The following SLC7A9 variants were observed in gnomAD, a reference collection of about 807,000 sequenced individuals.
SLC7A9 encodes the protein solute carrier family 7 member 9.
A neutral mutation model predicts 54.1 loss-of-function variants in SLC7A9; 38 were observed. The ratio of observed to expected loss-of-function variants is 0.70; its 90% CI spans 0.54 to 0.92. SLC7A9 has a LOEUF of 0.92. Among genes scored for constraint, SLC7A9 ranks in the 40% least tolerant of loss-of-function variants. SLC7A9 has a pLI of 0.00. For missense variants in SLC7A9, 537 were observed against 636.1 expected, an observed-to-expected ratio of 0.84 and a Z score of 1.68; for synonymous variants, 264 against 258.9, an observed-to-expected ratio of 1.02 and a Z score of -0.19.
intron 11 of SLC7A9, among the ~76,000 whole-genome samples, chr19:32,834,793 G>GT (rs1348561230): frequency 7.9e-5 from 12 of 151,606 alleles, no homozygotes; most frequent in Admixed American, 5.9e-4. Flanking sequence ...GTGTTTTTTT[G>GT]TTTGTTTTGT....
chr19:32,838,029 A>G (rs1282727459), intron 11 of SLC7A9, among the ~76,000 whole-genome samples: 2 of 152,180 alleles, frequency 1.3e-5, no homozygotes, highest in Non-Finnish European at 2.9e-5. Context: ...AGGGTGAGAC[A>G]CTGTGACAGA....
chr19:32,831,502 G>A (rs1174260681), intron 12 of SLC7A9, among the ~76,000 whole-genome samples: 3 of 152,028 alleles, frequency 2.0e-5, no homozygotes, highest in Non-Finnish European at 4.4e-5. Flanking sequence ...TGTTAGCCAC[G>A]ATGGTCTCGA....
chr19:32,869,630 C>T (rs922768871), intron 1 of SLC7A9, 56 bp downstream of exon 1: 2 of 152,204 alleles, frequency 1.3e-5, no homozygotes, highest in Admixed American at 6.5e-5. Flanking sequence ...AATTATCTGT[C>T]CAGGCCCCGG....
At chr19:32,855,664 T>C (rs1215242252) in intron 9 of SLC7A9, among the ~76,000 whole-genome samples, 16 of 151,788 alleles carry the variant, frequency 1.1e-4, no homozygotes, top group Admixed American at 1.1e-3. Flanking sequence ...ATCATGCCAC[T>C]GCACTCCAGC....
intron 9 of SLC7A9, among the ~76,000 whole-genome samples, chr19:32,845,021 G>T (rs1239409608): frequency 1.3e-5 from 2 of 151,704 alleles, no homozygotes; most frequent in Admixed American, 6.6e-5. Flanking sequence ...AAAATCAGCT[G>T]GGCATGGTGG....
intron 2 of SLC7A9, among the ~76,000 whole-genome samples, chr19:32,866,569 C>T (rs1178936740): frequency 7.9e-5 from 12 of 152,184 alleles, no homozygotes; most frequent in African/African-American, 2.9e-4. Flanking sequence ...AGGTTACAGG[C>T]GTGTGCCGCC....
chr19:32,839,368 C>T (rs1308133111), intron 11 of SLC7A9, among the ~76,000 whole-genome samples: 1 of 152,028 alleles, frequency 6.6e-6, no homozygotes, highest in Non-Finnish European at 1.5e-5. Flanking sequence ...GCCTGACCAA[C>T]ATGGTGAAAC....
At chr19:32,842,024 G>A in intron 11 of SLC7A9, 144 bp downstream of exon 11, 9 of 804,538 alleles carry the variant, frequency 1.1e-5, no homozygotes, top group Non-Finnish European at 1.9e-5. Context: ...ATGCTGTGAA[G>A]AGTAAACTCC....
At chr19:32,863,753 T>C (rs946082532) in intron 4 of SLC7A9, among the ~76,000 whole-genome samples, 1 of 152,260 alleles carries the variant, frequency 6.6e-6, no homozygotes, top group East Asian at 1.9e-4. Context: ...TAAAAGAACC[T>C]GGAGATGACC....
At chr19:32,842,901 T>C in intron 10 of SLC7A9, among the ~76,000 whole-genome samples, 1 of 152,162 alleles carries the variant, frequency 6.6e-6, no homozygotes, top group South Asian at 2.1e-4. Context: ...ATTAAGAATT[T>C]TCCACACAGA....
intron 10 of SLC7A9, among the ~76,000 whole-genome samples, chr19:32,842,819 G>A (rs573365095): frequency 2.6e-5 from 4 of 151,632 alleles, no homozygotes; most frequent in Admixed American, 6.6e-5. Context: ...GCCATCTCAC[G>A]GTTTTAATGG....
chr19:32,840,139 G>A (rs1968088847), intron 11 of SLC7A9, among the ~76,000 whole-genome samples: 1 of 151,714 alleles, frequency 6.6e-6, no homozygotes, highest in South Asian at 2.1e-4. Context: ...TTGGCCTTCT[G>A]TTTCCTAGCA....
chr19:32,866,569 C>A (rs1178936740), intron 2 of SLC7A9, among the ~76,000 whole-genome samples: 1 of 152,184 alleles, frequency 6.6e-6, no homozygotes, highest in Non-Finnish European at 1.5e-5. Context: ...AGGTTACAGG[C>A]GTGTGCCGCC....
At chr19:32,864,928 G>T (rs1418019477) in intron 2 of SLC7A9, 152 bp from the exon 3 acceptor site, 1 of 922,426 alleles carries the variant, frequency 1.1e-6, no homozygotes, top group Non-Finnish European at 1.7e-6. Flanking sequence ...TGGCAACACC[G>T]GGGCACCGCT....
intron 12 of SLC7A9, chr19:32,832,945 T>G: frequency 1.6e-6 from 1 of 612,362 alleles, no homozygotes; most frequent in East Asian, 2.9e-5. Flanking sequence ...CCTTCCTACT[T>G]ATTACAGTAA....
chr19:32,864,584 C>T (rs1055952129), intron 3 of SLC7A9, 45 bp downstream of exon 3: 1 of 1,608,446 alleles, frequency 6.2e-7, no homozygotes, highest in Non-Finnish European at 8.5e-7. Context: ...CCTGGCGTGC[C>T]CCTGCATGCT....
At chr19:32,858,785 T>TTTA (rs1968708109) in intron 8 of SLC7A9, among the ~76,000 whole-genome samples, 1 of 151,632 alleles carries the variant, frequency 6.6e-6, no homozygotes, top group African/African-American at 2.4e-5. Context: ...TATTTATTTA[T>TTTA]TTATTTATTT....
chr19:32,861,799 A>G (rs1250313266), intron 6 of SLC7A9, among the ~76,000 whole-genome samples: 1 of 152,150 alleles, frequency 6.6e-6, no homozygotes, highest in Non-Finnish European at 1.5e-5. Context: ...TGGGTGACCA[A>G]GTGAGATCCT....
At chr19:32,833,916 C>T (rs1967881309) in intron 11 of SLC7A9, among the ~76,000 whole-genome samples, 2 of 152,118 alleles carry the variant, frequency 1.3e-5, no homozygotes, top group African/African-American at 4.8e-5. Context: ...GTAATTTCTT[C>T]CTCAATTATC....
Sources: allele counts gnomAD v4.1 joint callset (sites outside exome capture counted in the v4.1 genomes callset), GRCh38; gene constraint gnomAD v4.1.1; transcripts MANE v1.5; gene names NCBI Gene and HGNC (gene_info 2026-07-23, HGNC 2026-07-21).